SRGAP3: variants seen among roughly 807,000 people sequenced by gnomAD.
SRGAP3 encodes the protein SLIT-ROBO Rho GTPase activating protein 3, also known as SLIT-ROBO Rho GTPase-activating protein 3.
A neutral mutation model predicts 121.1 loss-of-function variants in SRGAP3; 39 were observed. That is an observed-to-expected ratio of 0.32 (90% CI 0.25 to 0.42). SRGAP3 has a LOEUF of 0.42. Among genes scored for constraint, SRGAP3 ranks in the 10% least tolerant of loss-of-function variants. The pLI is 1.00. For synonymous variants in SRGAP3, 601 were observed against 570.0 expected, an observed-to-expected ratio of 1.05 and a Z score of -0.77; for missense variants, 1,213 against 1,470.6, an observed-to-expected ratio of 0.82 and a Z score of 2.86.
In SRGAP3 at chr3:9,028,231, C is replaced by T. The variant is rs926194829; in HGVS notation, c.1540-1236G>A. ...AAGCAGATCCTTCAGAGTCCGTGAA[C>T]GCCGAAATGCAATGGCAGCCAGCCA... On this transcript the variant is annotated intron_variant, in intron 12 of 21. Transcript: ENST00000383836. 2.8e-5 allele frequency: 42 copies of T among 1,517,040 alleles called. 1 individual carries two copies. The highest frequency in any genetic ancestry group is 1.7e-4 in the Admixed American group (10 of 57,474). The allele number at this position is 1,517,040 out of a possible 1,614,324, so 94.0% of individuals were successfully genotyped here.
At chr3:8,987,440 A>T (rs1221763472) in intron 21 of SRGAP3, among the ~76,000 whole-genome samples, 1 of 152,146 alleles carries the variant, frequency 6.6e-6, no homozygotes, top group African/African-American at 2.4e-5. Flanking sequence ...AATAAAAAGT[A>T]TGAGTCTGGT....
chr3:9,300,807 T>C lies in SRGAP3; in HGVS notation n.442+25203A>G, dbSNP rs1380113898. On this transcript the variant is annotated intron_variant and non_coding_transcript_variant, in intron 3 of 3. Transcript: ENST00000490889. ...TGGGTGGTGGGTAGTGGACAAATAT[T>C]GTGCTCAGCATCAGACAATGCACAG... Among the ~76,000 whole-genome samples, 3 of 152,108 alleles carry C rather than the reference T, an allele frequency of 2.0e-5. No individual in the cohort carries two copies. The East Asian group carries it at 5.8e-4, about 29-fold the overall frequency.
chr3:9,284,381 C>A (rs577079499), intron 3 of SRGAP3, among the ~76,000 whole-genome samples: 1 of 152,192 alleles, frequency 6.6e-6, no homozygotes, highest in African/African-American at 2.4e-5. Context: ...TGTTTTACCA[C>A]GTGTGTGTGG....
At chr3:9,296,486 A>G (rs1169047109) in intron 3 of SRGAP3, among the ~76,000 whole-genome samples, 1 of 152,242 alleles carries the variant, frequency 6.6e-6, no homozygotes, top group Non-Finnish European at 1.5e-5. Flanking sequence ...ATCTTGGCAG[A>G]GTAAGGGAAG....
chr3:9,230,174 T>C (rs1953146762), intron 1 of SRGAP3, among the ~76,000 whole-genome samples: 1 of 152,208 alleles, frequency 6.6e-6, no homozygotes, highest in South Asian at 2.1e-4. Context: ...CATTATCTCA[T>C]CTAACTGGCT....
intron 17 of SRGAP3, among the ~76,000 whole-genome samples, chr3:9,010,934 A>C (rs1282352137): frequency 6.6e-6 from 1 of 152,226 alleles, no homozygotes; most frequent in Non-Finnish European, 1.5e-5. Context: ...TGAGTAATCC[A>C]GTCCATCAGA....
At chr3:9,073,893 G>C (rs1306832665) in intron 4 of SRGAP3, among the ~76,000 whole-genome samples, 2 of 152,218 alleles carry the variant, frequency 1.3e-5, no homozygotes, top group African/African-American at 2.4e-5. Flanking sequence ...TCTGGAAGGA[G>C]ACATGGCTAA....
At chr3:9,111,439 G>A (rs370677396) in intron 2 of SRGAP3, among the ~76,000 whole-genome samples, 5 of 152,222 alleles carry the variant, frequency 3.3e-5, no homozygotes, top group East Asian at 1.9e-4. Context: ...GCCTCAGGGC[G>A]GAGAGCCTGG....
chr3:9,004,012 C>T (rs2124993390), intron 18 of SRGAP3, among the ~76,000 whole-genome samples: 1 of 152,198 alleles, frequency 6.6e-6, no homozygotes, highest in African/African-American at 2.4e-5. Context: ...TCACTAAAAA[C>T]TATTTGACTG....
chr3:9,128,528 T>G (rs1396518833), intron 1 of SRGAP3, among the ~76,000 whole-genome samples: 1 of 152,196 alleles, frequency 6.6e-6, no homozygotes, highest in Non-Finnish European at 1.5e-5. Context: ...TCAGGTAACT[T>G]TGATGGATGA....
At position 9,013,855 on chromosome 3, in the gene SRGAP3, G is replaced by A. The variant is rs2125032943; in HGVS notation, c.1814-13C>T. The A allele has an allele frequency of 1.9e-6, 3 of 1,613,606 alleles. No homozygotes were observed. Among genetic ancestry groups the A allele is most frequent in the Non-Finnish European group, 2.5e-6 (3 of 1,179,528 alleles). On this transcript the variant is annotated splice_polypyrimidine_tract_variant and intron_variant, in intron 15 of 21. Transcript: ENST00000383836. The stretch of plus-strand genomic sequence containing the variant: ...GGGTTCTCCAGTTCTGTAACATAAA[G>A]GGGCCTTTCAGCGTGCCTTTCATCC...
chr3:9,232,808 A>C (rs376632928), intron 1 of SRGAP3, among the ~76,000 whole-genome samples: 24 of 152,186 alleles, frequency 1.6e-4, no homozygotes, highest in African/African-American at 5.5e-4. Flanking sequence ...TGAATTTGTT[A>C]CAAGTTCCTC....
At chr3:9,257,672 TACTC>T (rs1954160177) in intron 3 of SRGAP3, among the ~76,000 whole-genome samples, 1 of 149,234 alleles carries the variant, frequency 6.7e-6, no homozygotes, top group Non-Finnish European at 1.5e-5. Context: ...CGAATTCATT[TACTC>T]ACTCATTAAA....
chr3:9,324,390 T>G (rs780727123), intron 3 of SRGAP3, among the ~76,000 whole-genome samples: 9 of 151,856 alleles, frequency 5.9e-5, no homozygotes, highest in Admixed American at 1.3e-4. Context: ...TGTACTTACA[T>G]GGTTTTGAAA....
chr3:9,214,591 GC>G (rs1469784107), intron 1 of SRGAP3, among the ~76,000 whole-genome samples: 1 of 152,186 alleles, frequency 6.6e-6, no homozygotes, highest in Non-Finnish European at 1.5e-5. Flanking sequence ...AAAATAGGAA[GC>G]TATGAAACCA....
intron 3 of SRGAP3, among the ~76,000 whole-genome samples, chr3:9,268,760 A>ACGACC (rs1954417734): frequency 1.3e-5 from 2 of 152,258 alleles, no homozygotes; most frequent in South Asian, 4.1e-4. Flanking sequence ...GATACATCAC[A>ACGACC]CGACCCGTAA....
At chr3:9,231,108 C>T (rs528281853) in intron 1 of SRGAP3, among the ~76,000 whole-genome samples, 4 of 152,276 alleles carry the variant, frequency 2.6e-5, no homozygotes, top group African/African-American at 4.8e-5. Flanking sequence ...TGGAAGTTTT[C>T]CCACTTCCAG....
At chr3:9,071,476 G>A (rs1946710220) in intron 4 of SRGAP3, among the ~76,000 whole-genome samples, 1 of 152,158 alleles carries the variant, frequency 6.6e-6, no homozygotes, top group South Asian at 2.1e-4. Flanking sequence ...GAAACACTGG[G>A]AAGGGAGTGT....
At chr3:9,309,202 C>T (rs937245706) in intron 3 of SRGAP3, among the ~76,000 whole-genome samples, 4 of 152,118 alleles carry the variant, frequency 2.6e-5, no homozygotes, top group African/African-American at 7.2e-5. Context: ...TGGCTGAGCA[C>T]CCCATGAGGG....
Sources: allele counts gnomAD v4.1 joint callset (sites outside exome capture counted in the v4.1 genomes callset), GRCh38; gene constraint gnomAD v4.1.1; transcripts MANE v1.5; gene names NCBI Gene and HGNC (gene_info 2026-07-23, HGNC 2026-07-21).